The following SP140 variants were observed in gnomAD, a reference collection of about 807,000 sequenced individuals.
SP140 encodes the protein nuclear body protein SP140.
SP140 carries 81 observed loss-of-function variants against 125.0 expected under a neutral mutation model. The observed-to-expected ratio is 0.65, with a 90% CI of 0.54 to 0.78. The LOEUF (loss-of-function observed/expected upper bound fraction) is 0.78, where lower values mean the gene tolerates loss of function less well. Ranked by LOEUF, SP140 falls within the 30% of genes least tolerant of loss-of-function variation. The probability of loss-of-function intolerance (pLI) is 0.00; values close to 1 mark genes in which losing one functional copy is unlikely to be tolerated. For missense variants in SP140, 858 were observed against 1,037.0 expected, an observed-to-expected ratio of 0.83 and a Z score of 2.37; for synonymous variants, 312 against 354.0, an observed-to-expected ratio of 0.88 and a Z score of 1.33.
At chr2:230,260,699 T>A (rs180896044) in intron 12 of SP140, among the ~76,000 whole-genome samples, 103 of 152,254 alleles carry the variant, frequency 6.8e-4, no homozygotes, top group Admixed American at 1.2e-3. Context: ...TTGAATAGGG[T>A]GTCCTTTCCC....
chr2:230,249,714 G>T (rs771806296), intron 9 of SP140, among the ~76,000 whole-genome samples: 17 of 152,102 alleles, frequency 1.1e-4, no homozygotes, highest in Non-Finnish European at 2.2e-4. Flanking sequence ...GAAAGAAACA[G>T]ATCAAAATAA....
intron 1 of SP140, chr2:230,212,687 T>C: frequency 3.1e-5 from 49 of 1,568,264 alleles, no homozygotes; most frequent in Non-Finnish European, 4.3e-5. Context: ...GTCAAGATGC[T>C]GGGATTGGCG....
intron 3 of SP140, among the ~76,000 whole-genome samples, chr2:230,240,296 A>G (rs1434144023): frequency 2.6e-5 from 4 of 152,206 alleles, no homozygotes; most frequent in Non-Finnish European, 5.9e-5. Context: ...AACATGGATC[A>G]TAAAAGAAAA....
chr2:230,204,559 C>G (rs905413031), intron 1 of SP140, among the ~76,000 whole-genome samples: 13 of 151,798 alleles, frequency 8.6e-5, no homozygotes, highest in Admixed American at 4.6e-4. Flanking sequence ...TATCCTTTGT[C>G]AGATCATTAT....
intron 1 of SP140, among the ~76,000 whole-genome samples, chr2:230,232,333 G>A (rs566231750): frequency 7.2e-5 from 11 of 152,180 alleles, no homozygotes; most frequent in Non-Finnish European, 1.5e-4. Flanking sequence ...TTCAGTGCCT[G>A]CTGCCTCAGA....
At chr2:230,302,853 T>C (rs1402111287) in intron 22 of SP140, among the ~76,000 whole-genome samples, 1 of 152,150 alleles carries the variant, frequency 6.6e-6, no homozygotes, top group Non-Finnish European at 1.5e-5. Flanking sequence ...AAAAATCCTT[T>C]GAACTGAACG....
intron 18 of SP140, among the ~76,000 whole-genome samples, chr2:230,289,649 A>G (rs1482184011): frequency 6.6e-6 from 1 of 152,098 alleles, no homozygotes; most frequent in Non-Finnish European, 1.5e-5. Context: ...TAATTTTTGT[A>G]TTTTTGGTAG....
In SP140 at chr2:230,309,933, C is replaced by T. The variant is rs1173302876; in HGVS notation, c.2068C>T (p.Leu690=). 12 of 1,613,628 alleles carry T rather than the reference C, an allele frequency of 7.4e-6. No individual in the cohort carries two copies. Among genetic ancestry groups the T allele is most frequent in the East Asian group, 2.2e-5 (1 of 44,898 alleles). ...NSSVDPCMRN[L]DECEVCRDGG... is the part of the protein sequence containing the mutation. Reference sequence around the variant, plus strand: ...CTGTTTTATCTTCTAGATGAGAAACCTGGATGAGTGTGAGGTGTGCCGGGA... The same window carrying T: ...CTGTTTTATCTTCTAGATGAGAAACTTGGATGAGTGTGAGGTGTGCCGGGA... The change falls in exon 23 of 27, where the codon CTG becomes TTG. Residue 690 remains leucine (L), a synonymous_variant. Transcript: ENST00000392045.
chr2:230,189,707 C>T, the SP140 span, among the ~76,000 whole-genome samples: 1 of 152,152 alleles, frequency 6.6e-6, no homozygotes, highest in East Asian at 1.9e-4. Flanking sequence ...ACCCACACCC[C>T]AACAGGCCCT....
downstream of SP140, among the ~76,000 whole-genome samples, chr2:230,313,462 GC>G (rs2059453260): frequency 6.6e-6 from 1 of 152,212 alleles, no homozygotes; most frequent in Admixed American, 6.5e-5. Context: ...CCTGAGGCCA[GC>G]CCCCTTGCCT....
chr2:230,223,048 T>C (rs1574834841), upstream of SP140, among the ~76,000 whole-genome samples: 1 of 151,472 alleles, frequency 6.6e-6, no homozygotes, highest in East Asian at 1.9e-4. Flanking sequence ...ACTTTTTTTT[T>C]TTTTTTTGAG....
At position 230,265,167 on chromosome 2, in the gene SP140, A is replaced by G. The variant is rs374164661; in HGVS notation, c.1241-4365A>G. Reference sequence around the variant, plus strand: ...AGCTGCTGTGGGGGATGGGGGTGAGATTCCCATGTCACTGGAGTTGTGTAC... The same window carrying G: ...AGCTGCTGTGGGGGATGGGGGTGAGGTTCCCATGTCACTGGAGTTGTGTAC... On this transcript the variant is annotated intron_variant, in intron 12 of 26. Coordinates refer to ENST00000392045, the MANE Select transcript of SP140 (RefSeq NM_007237.5). Among the ~76,000 whole-genome samples, 8 of 151,930 alleles carry G rather than the reference A, an allele frequency of 5.3e-5. No individual in the cohort carries two copies. The South Asian group carries it at 1.7e-3, about 32-fold the overall frequency.
In SP140 at chr2:230,265,472, C is replaced by T. The variant is rs546157607; in HGVS notation, c.1241-4060C>T. Among the ~76,000 whole-genome samples the T allele has an allele frequency of 5.1e-4, 78 of 152,328 alleles. 1 individual carries two copies. Among genetic ancestry groups the T allele is most frequent in the Non-Finnish European group, 9.7e-4 (66 of 68,022 alleles). On this transcript the variant is annotated intron_variant, in intron 12 of 26. Transcript: ENST00000392045. ...CACAAGAGTTCTGTCCAGGAGGCGT[C>T]TCACCCTGTTCAAATTGTTACAAAG... is the stretch of plus-strand genomic sequence containing the variant.
intron 3 of SP140, among the ~76,000 whole-genome samples, chr2:230,218,396 C>T (rs7573954): frequency 0.35 from 53,467 of 151,998 alleles, 9,555 homozygotes; most frequent in South Asian, 0.4. Flanking sequence ...AGAAAAGATG[C>T]CATTGAGAGT....
intron 1 of SP140, 89 bp downstream of exon 1, chr2:230,225,992 C>A: frequency 1.0e-6 from 1 of 969,148 alleles, no homozygotes; most frequent in Non-Finnish European, 1.6e-6. Context: ...CAGCTTCACT[C>A]TACAGGTATA....
chr2:230,305,079 T>C (rs1335193015), intron 22 of SP140, among the ~76,000 whole-genome samples: 2 of 151,936 alleles, frequency 1.3e-5, no homozygotes, highest in African/African-American at 2.4e-5. Flanking sequence ...AATAATCCCA[T>C]CAAAAAGTGG....
At chr2:230,238,969 G>A (rs1032959592) in intron 3 of SP140, 3 of 1,510,130 alleles carry the variant, frequency 2.0e-6, no homozygotes, top group Non-Finnish European at 2.7e-6. Context: ...AGCTGACTCT[G>A]GAGAAAGAAG....
chr2:230,254,398 G>T (rs539429494), intron 11 of SP140, among the ~76,000 whole-genome samples: 18 of 152,224 alleles, frequency 1.2e-4, no homozygotes, highest in Admixed American at 5.2e-4. Flanking sequence ...TTCTCTCCCC[G>T]CAGCCTCATC....
chr2:230,204,507 G>T (rs1428070577), intron 1 of SP140, among the ~76,000 whole-genome samples: 1 of 151,976 alleles, frequency 6.6e-6, no homozygotes, highest in Non-Finnish European at 1.5e-5. Flanking sequence ...TGCCCATAAT[G>T]TCTATGACCC....
Sources: allele counts gnomAD v4.1 joint callset (sites outside exome capture counted in the v4.1 genomes callset), GRCh38; gene constraint gnomAD v4.1.1; transcripts MANE v1.5; gene names NCBI Gene and HGNC (gene_info 2026-07-23, HGNC 2026-07-21).